The following LOXHD1 variants were observed in gnomAD, a reference collection of about 807,000 sequenced individuals.
The protein encoded by LOXHD1 is lipoxygenase homology domain-containing protein 1.
LOXHD1 carries 205 observed loss-of-function variants against 248.2 expected under a neutral mutation model. The ratio of observed to expected loss-of-function variants is 0.83; its 90% CI spans 0.74 to 0.93. The LOEUF (loss-of-function observed/expected upper bound fraction) is 0.93, where lower values mean the gene tolerates loss of function less well. Among genes scored for constraint, LOXHD1 ranks in the 40% least tolerant of loss-of-function variants. The pLI is 0.00. For synonymous variants in LOXHD1, 1,113 were observed against 1,162.8 expected, an observed-to-expected ratio of 0.96 and a Z score of 0.87; for missense variants, 2,930 against 2,971.6, an observed-to-expected ratio of 0.99 and a Z score of 0.33.
chr18:46,648,929 C>A (rs2144398916), intron 2 of LOXHD1, among the ~76,000 whole-genome samples: 1 of 152,314 alleles, frequency 6.6e-6, no homozygotes, highest in East Asian at 1.9e-4. Flanking sequence ...ATTCTGAGAT[C>A]CATAGGAGGC....
intron 17 of LOXHD1, among the ~76,000 whole-genome samples, 170 bp downstream of exon 17, chr18:46,566,087 T>G (rs2037633892): frequency 6.6e-6 from 1 of 152,210 alleles, no homozygotes. Flanking sequence ...CCTACTTTCC[T>G]GCAAGAACCA....
intron 8 of LOXHD1, among the ~76,000 whole-genome samples, chr18:46,597,571 C>T (rs984275444): frequency 9.9e-5 from 15 of 151,914 alleles, no homozygotes; most frequent in African/African-American, 4.8e-5. Context: ...CACACACACA[C>T]ACACACACCC....
chr18:46,619,033 T>C (rs1030964191), intron 4 of LOXHD1, among the ~76,000 whole-genome samples: 4 of 152,154 alleles, frequency 2.6e-5, no homozygotes, highest in African/African-American at 9.7e-5. Context: ...TGATGAGACC[T>C]GCCCAGGTCT....
At chr18:46,625,628 A>G (rs1261206174) in intron 4 of LOXHD1, among the ~76,000 whole-genome samples, 3 of 152,124 alleles carry the variant, frequency 2.0e-5, no homozygotes, top group Non-Finnish European at 4.4e-5. Context: ...GCCCTATACC[A>G]TTCATCACCC....
In LOXHD1 at chr18:46,477,376, C is replaced by T. The variant is rs569671846; in HGVS notation, c.*96G>A. The T allele has an allele frequency of 4.7e-3, 7,058 of 1,504,202 alleles. 23 individuals are homozygous for T. Among genetic ancestry groups the T allele is most frequent in the Non-Finnish European group, 5.2e-3 (5,754 of 1,113,354 alleles). 93.2% of individuals were successfully genotyped at this position (1,504,202 alleles called of 1,614,324 possible). ...TCAGTGGACTGCTAGCCCCCAGTGC[C>T]AATGCTAGAGGCTTTGAAGGGCTGC... On this transcript the variant is annotated 3_prime_UTR_variant, in exon 41 of 41. Transcript: ENST00000642948.
At position 46,566,415 on chromosome 18, in the gene LOXHD1, C is replaced by T. The variant is rs1182435218; in HGVS notation, c.2279G>A (p.Gly760Asp). The T allele has an allele frequency of 5.2e-6, 8 of 1,551,030 alleles. No homozygotes were observed. The highest frequency in any genetic ancestry group is 3.3e-4 in the Middle Eastern group (2 of 5,992). The change falls in exon 17 of 41, where the codon GGC becomes GAC. Residue 760 changes from glycine to aspartate, a missense_variant. Coordinates refer to ENST00000642948, the MANE Select transcript of LOXHD1 (RefSeq NM_001384474.1). ...NRLVIGHDSTGMHASWFLGSV... is the reference protein window; with the variant it reads ...NRLVIGHDSTDMHASWFLGSV... ...GCCCAGGAACCAGCTGGCATGCATGCCAGTGCTGTCATGCCCAATCACCAG... is the reference window on the plus strand; with the variant it reads ...GCCCAGGAACCAGCTGGCATGCATGTCAGTGCTGTCATGCCCAATCACCAG...
In LOXHD1 at chr18:46,591,990, T is replaced by A; in HGVS notation, c.1597A>T (p.Asn533Tyr). The A allele has an allele frequency of 6.4e-7, 1 of 1,552,124 alleles. No homozygotes were observed. Among genetic ancestry groups the A allele is most frequent in the Non-Finnish European group, 8.7e-7 (1 of 1,147,082 alleles). The part of the protein sequence containing the change: ...NRWLDANEDD[N>Y]EIVREMTAEG... ...GCAGTCATTTCCCTCACTATCTCATTGTCATCCTCATTGGCATCCAGCCAG... is the reference window on the plus strand; with the variant it reads ...GCAGTCATTTCCCTCACTATCTCATAGTCATCCTCATTGGCATCCAGCCAG... Residue 533 changes from asparagine to tyrosine, a missense_variant, in exon 12 of 41, where the codon AAT becomes TAT. Transcript: ENST00000642948.
rs1223192252 is a variant in LOXHD1 at position 46,535,395 on chromosome 18, G to GA, written c.4096-945dup. ...ACGATGGTGTGCATGAAAGTCCCCTGAAAAAAAAAAGCTGATACATGTGTG... is the reference window on the plus strand; with the variant it reads ...ACGATGGTGTGCATGAAAGTCCCCTGAAAAAAAAAAAGCTGATACATGTGTG... On this transcript the variant is annotated intron_variant, in intron 26 of 40. Transcript: ENST00000642948. 7.3e-3 allele frequency among the ~76,000 whole-genome samples: 1,080 copies of GA among 148,106 alleles called. 17 individuals carry two copies. Among genetic ancestry groups the GA allele is most frequent in the African/African-American group, 0.025 (1,017 of 40,434 alleles).
At chr18:46,636,297 C>T (rs372255560) in intron 4 of LOXHD1, among the ~76,000 whole-genome samples, 18 of 152,308 alleles carry the variant, frequency 1.2e-4, no homozygotes, top group East Asian at 7.7e-4. Context: ...TCATCTCCAG[C>T]GAATGTCAGG....
At chr18:46,654,540 T>C (rs528071360) in intron 1 of LOXHD1, among the ~76,000 whole-genome samples, 57 of 152,312 alleles carry the variant, frequency 3.7e-4, no homozygotes, top group Non-Finnish European at 6.6e-4. Flanking sequence ...CCTCAAAGCA[T>C]TGAGGGAGCT....
At chr18:46,550,109 A>G (rs913698019) in intron 21 of LOXHD1, among the ~76,000 whole-genome samples, 1 of 152,258 alleles carries the variant, frequency 6.6e-6, no homozygotes, top group African/African-American at 2.4e-5. Context: ...TAAGTGACTT[A>G]ACAAAGATAC....
intron 14 of LOXHD1, among the ~76,000 whole-genome samples, chr18:46,573,774 A>T (rs575533523): frequency 6.6e-6 from 1 of 152,222 alleles, no homozygotes; most frequent in Admixed American, 6.5e-5. Context: ...TTCCCATGAG[A>T]CCTTGCTCTC....
intron 12 of LOXHD1, among the ~76,000 whole-genome samples, chr18:46,586,262 G>A (rs1429742138): frequency 6.6e-6 from 1 of 152,138 alleles, no homozygotes; most frequent in Non-Finnish European, 1.5e-5. Flanking sequence ...GGGGAAATGG[G>A]AATGACTGCT....
intron 8 of LOXHD1, among the ~76,000 whole-genome samples, chr18:46,598,505 A>C (rs551160685): frequency 8.4e-6 from 1 of 118,756 alleles, no homozygotes; most frequent in African/African-American, 2.6e-5. Flanking sequence ...TAAGCTTTGA[A>C]AATTAAAAAA....
chr18:46,520,659 T>G (rs1326501900), intron 33 of LOXHD1: 2 of 243,388 alleles, frequency 8.2e-6, no homozygotes, highest in Non-Finnish European at 1.6e-5. Context: ...AGATTCACAG[T>G]ATCCCAGATG....
chr18:46,513,753 G>A (rs1296670778), intron 34 of LOXHD1, among the ~76,000 whole-genome samples: 2 of 152,212 alleles, frequency 1.3e-5, no homozygotes, highest in African/African-American at 2.4e-5. Context: ...AAATTCTGTT[G>A]TTTTAATTAC....
Position 46,483,778 on chromosome 18 carries a change from C to T in LOXHD1, c.6183-33G>A, listed in dbSNP as rs908306856. On this transcript the variant is annotated intron_variant, in intron 39 of 40. Coordinates refer to ENST00000642948, the MANE Select transcript of LOXHD1 (RefSeq NM_001384474.1). ...AAACAAAAGTGTGGTCCATGAGCTG[C>T]CTTTGCCCACTGAAGCAGGTAAGCA... 6 of 1,543,018 alleles carry T rather than the reference C, an allele frequency of 3.9e-6. No homozygotes were observed. In the African/African-American group the frequency reaches 5.5e-5, roughly 14 times the overall value.
chr18:46,583,986 T>G (rs904824995), intron 12 of LOXHD1, among the ~76,000 whole-genome samples: 1 of 152,132 alleles, frequency 6.6e-6, no homozygotes, highest in Non-Finnish European at 1.5e-5. Flanking sequence ...AAATATGGTA[T>G]ACATACACAA....
At chr18:46,543,786 C>T (rs1434663011) in intron 23 of LOXHD1, among the ~76,000 whole-genome samples, 1 of 152,172 alleles carries the variant, frequency 6.6e-6, no homozygotes, top group Non-Finnish European at 1.5e-5. Context: ...TAAGTCAATG[C>T]TGCACCACCT....
Sources: gnomAD v4.1 joint callset for allele counts (sites outside exome capture counted in the v4.1 genomes callset) on GRCh38, gnomAD v4.1.1 for gene constraint, MANE v1.5 for transcripts, NCBI Gene and HGNC (gene_info 2026-07-23, HGNC 2026-07-21) for gene names.